SGO2: variants seen among roughly 807,000 people sequenced by gnomAD.
The protein encoded by SGO2 is shugoshin 2.
A neutral mutation model predicts 99.5 loss-of-function variants in SGO2; 68 were observed. That is an observed-to-expected ratio of 0.68 (90% CI 0.56 to 0.84). The LOEUF is 0.84. Ranked by LOEUF, SGO2 falls within the 40% of genes least tolerant of loss-of-function variation. The pLI is 0.00. For missense variants in SGO2, 1,350 were observed against 1,436.7 expected (o/e 0.94, Z 0.97); for synonymous variants, 457 against 487.1 (o/e 0.94, Z 0.81).
At chr2:200,548,177 C>T (rs1421836269) in intron 5 of SGO2, among the ~76,000 whole-genome samples, 1 of 150,758 alleles carries the variant, frequency 6.6e-6, no homozygotes, top group African/African-American at 2.4e-5. Context: ...GCAGAATACA[C>T]ATTCTTTTCA....
Position 200,570,546 on chromosome 2 carries a change from CATAT to C in SGO2, c.704-500_704-497del, listed in dbSNP as rs1208689992. 7.2e-6 allele frequency among the ~76,000 whole-genome samples: 1 copy of C among 139,038 alleles called. No homozygotes were observed. Among genetic ancestry groups the C allele is most frequent in the Non-Finnish European group, 1.6e-5 (1 of 62,152 alleles). 91.2% of individuals were successfully genotyped at this position (139,038 alleles called of 152,430 possible). On this transcript the variant is annotated intron_variant, in intron 6 of 8. Transcript: ENST00000357799. This position sits in a 1 kb window ranked among gnomAD's most constrained non-coding sequence, Gnocchi z 4.4. ...TATGTATATAATATATACACACACA[CATAT>C]ATACACACATATATATGGTATACAT...
chr2:200,529,069 G>A (rs1033138217), intron 1 of SGO2, among the ~76,000 whole-genome samples: 2 of 152,150 alleles, frequency 1.3e-5, no homozygotes, highest in Non-Finnish European at 2.9e-5. Flanking sequence ...TCATTGTAGT[G>A]GATCAAGAGA....
intron 5 of SGO2, among the ~76,000 whole-genome samples, chr2:200,549,661 T>G (rs1466484731): frequency 6.6e-6 from 1 of 152,194 alleles, no homozygotes; most frequent in Non-Finnish European, 1.5e-5. Flanking sequence ...ACTGTATGAT[T>G]ATTTCAATAG....
Position 200,569,562 on chromosome 2 carries a change from T to C in SGO2, c.474-101T>C, listed in dbSNP as rs572138102. The C allele has an allele frequency of 5.9e-6, 5 of 840,382 alleles. No individual in the cohort carries two copies. In the East Asian group the frequency reaches 1.3e-4, roughly 23 times the overall value. 52.1% of individuals were successfully genotyped at this position (840,382 alleles called of 1,614,324 possible). ...GAACTTGAAAAAGTACCAGGTGGAT[T>C]TGTGGTTCGATCTTAAATAGAATAT... On this transcript the variant is annotated intron_variant, in intron 5 of 8. Coordinates refer to ENST00000357799, the MANE Select transcript of SGO2 (RefSeq NM_152524.6).
intron 5 of SGO2, among the ~76,000 whole-genome samples, chr2:200,568,536 G>A (rs757591520): frequency 5.3e-5 from 8 of 152,088 alleles, no homozygotes; most frequent in Non-Finnish European, 1.2e-4. Context: ...GGGATTCAGA[G>A]GTCAGCTAGA....
At chr2:200,538,171 C>T (rs1371677237) in intron 4 of SGO2, among the ~76,000 whole-genome samples, 1 of 152,154 alleles carries the variant, frequency 6.6e-6, no homozygotes, top group Non-Finnish European at 1.5e-5. Flanking sequence ...TTCAAACTCT[C>T]CAGTGGAGTC....
rs771757262 is a variant in SGO2 at position 200,572,413 on chromosome 2, G to A, written c.2067G>A (p.Leu689=). The change falls in exon 7 of 9, where the codon TTG becomes TTA. Residue 689 remains leucine, a synonymous_variant. Coordinates refer to ENST00000357799, the MANE Select transcript of SGO2 (RefSeq NM_152524.6). ...GTGACTATAGGACCCAGAATGTGTT[G>A]GGTTTGCAAAAGCAGATCACCAATA... ...NQCDYRTQNV[L]GLQKQITNMY... 1 of 1,613,388 alleles carries A rather than the reference G, an allele frequency of 6.2e-7. No individual in the cohort carries two copies. Among genetic ancestry groups the A allele is most frequent in the South Asian group, 1.1e-5 (1 of 91,050 alleles).
At chr2:200,567,887 T>C (rs1292983187) in intron 5 of SGO2, among the ~76,000 whole-genome samples, 1 of 152,240 alleles carries the variant, frequency 6.6e-6, no homozygotes, top group Non-Finnish European at 1.5e-5. Flanking sequence ...GTTTCCACTT[T>C]TTGGCTATTA....
chr2:200,574,233 T>C (rs1008291516), intron 7 of SGO2, among the ~76,000 whole-genome samples: 1 of 152,080 alleles, frequency 6.6e-6, no homozygotes, highest in African/African-American at 2.4e-5. Context: ...ACTTGTCTAA[T>C]AAAGACCATA....
At chr2:200,529,558 T>G (rs938130376) in intron 1 of SGO2, among the ~76,000 whole-genome samples, 3 of 152,238 alleles carry the variant, frequency 2.0e-5, no homozygotes, top group Non-Finnish European at 4.4e-5. Flanking sequence ...AGTCTCACTC[T>G]GTCACCCAGG....
At chr2:200,550,437 A>C (rs902631265) in intron 5 of SGO2, among the ~76,000 whole-genome samples, 1 of 152,138 alleles carries the variant, frequency 6.6e-6, no homozygotes, top group Non-Finnish European at 1.5e-5. Context: ...ATCACACTAC[A>C]TGACTTCAAA....
chr2:200,546,356 A>G (rs1243839011), intron 5 of SGO2, among the ~76,000 whole-genome samples: 3 of 69,550 alleles, frequency 4.3e-5, no homozygotes, highest in South Asian at 5.8e-4. Context: ...CCATCTGGAA[A>G]AAAAAAAAAA....
Position 200,569,714 on chromosome 2 carries a change from G to T in SGO2, c.525G>T (p.Gln175His), listed in dbSNP as rs1389064772. The change falls in exon 6 of 9, where the codon CAG becomes CAT. Residue 175 changes from glutamine (Q) to histidine (H), a missense_variant. Transcript: ENST00000357799. Reference sequence around the variant, plus strand: ...AAGATGAAGATAAAGAGAAAATGCAGTGTGACAACAATATTAAATCAAAGA... The same window carrying T: ...AAGATGAAGATAAAGAGAAAATGCATTGTGACAACAATATTAAATCAAAGA... ...DDEDEDKEKM[Q>H]CDNNIKSKTL... is the part of the protein sequence containing the mutation. The T allele has an allele frequency of 6.2e-7, 1 of 1,612,654 alleles. No individual in the cohort carries two copies. Among genetic ancestry groups the T allele is most frequent in the South Asian group, 1.1e-5 (1 of 90,854 alleles).
rs188656840 is a variant in SGO2 at position 200,545,814 on chromosome 2, G to A, written c.473+3150G>A. On this transcript the variant is annotated intron_variant, in intron 5 of 8. Transcript: ENST00000357799. The stretch of plus-strand genomic sequence containing the variant: ...GCTTCCCCACCTTCTTCAGTTCCCT[G>A]TCAGGAGAACTGTCCTTGCCTTAAC... 2.7e-3 allele frequency among the ~76,000 whole-genome samples: 418 copies of A among 152,308 alleles called. 2 individuals are homozygous for A. Among genetic ancestry groups the A allele is most frequent in the African/African-American group, 9.5e-3 (394 of 41,562 alleles).
At chr2:200,558,817 T>C (rs1242874616) in intron 5 of SGO2, among the ~76,000 whole-genome samples, 1 of 151,894 alleles carries the variant, frequency 6.6e-6, no homozygotes, top group African/African-American at 2.4e-5. Context: ...TTTTTTTTTT[T>C]TTGAGGTGGA....
intron 5 of SGO2, among the ~76,000 whole-genome samples, chr2:200,569,414 G>A (rs567333138): frequency 1.3e-5 from 2 of 152,168 alleles, no homozygotes; most frequent in South Asian, 2.1e-4. Context: ...AGCACAAGAA[G>A]TAAATATATA....
At chr2:200,582,362 G>A (rs531966331) in intron 8 of SGO2, among the ~76,000 whole-genome samples, 1 of 152,080 alleles carries the variant, frequency 6.6e-6, no homozygotes, top group Admixed American at 6.5e-5. Flanking sequence ...CAAATCCTAG[G>A]GTTTATCCAA....
At chr2:200,550,624 G>A (rs74871271) in intron 5 of SGO2, among the ~76,000 whole-genome samples, 4,398 of 152,156 alleles carry the variant, frequency 0.029, 215 homozygotes, top group African/African-American at 0.1. Flanking sequence ...GGGAAAACTG[G>A]ATAACTATAT....
At chr2:200,543,413 ATC>A (rs925350438) in intron 5 of SGO2, 2 of 152,226 alleles carry the variant, frequency 1.3e-5, no homozygotes, top group Non-Finnish European at 2.9e-5. Flanking sequence ...CCTATTTCAA[ATC>A]TGTCATCTTA....
Sources: allele counts gnomAD v4.1 joint callset (sites outside exome capture counted in the v4.1 genomes callset), GRCh38; gene constraint gnomAD v4.1.1; non-coding constraint Gnocchi (gnomAD v3.1); transcripts MANE v1.5; gene names NCBI Gene and HGNC (gene_info 2026-07-23, HGNC 2026-07-21).